Variants in CARMIL1 observed in about 807,000 individuals in gnomAD.
CARMIL1 encodes F-actin-uncapping protein LRRC16A.
A neutral mutation model predicts 177.1 loss-of-function variants in CARMIL1; 90 were observed. The observed-to-expected ratio is 0.51, with a 90% CI of 0.43 to 0.61. The LOEUF is 0.61. Ranked by LOEUF, CARMIL1 falls within the 20% of genes least tolerant of loss-of-function variation. The pLI, the probability that CARMIL1 is intolerant of heterozygous loss-of-function variation, is 0.00. For missense variants in CARMIL1, 1,380 were observed against 1,667.0 expected (o/e 0.83, Z 3.00); for synonymous variants, 577 against 606.2 (o/e 0.95, Z 0.71).
intron 16 of CARMIL1, 86 bp downstream of exon 16, chr6:25,495,301 A>T (rs983422862): frequency 2.2e-6 from 2 of 894,198 alleles, no homozygotes; most frequent in Non-Finnish European, 3.4e-6. Flanking sequence ...AAAGATATAT[A>T]ATCCAAAGAC....
intron 2 of CARMIL1, among the ~76,000 whole-genome samples, chr6:25,395,073 T>C (rs928733875): frequency 6.6e-6 from 1 of 152,232 alleles, no homozygotes; most frequent in Admixed American, 6.5e-5. Context: ...TGATTTTGTC[T>C]AAATTTACCA....
intron 32 of CARMIL1, among the ~76,000 whole-genome samples, chr6:25,599,277 A>C (rs1013817048): frequency 2.6e-5 from 4 of 152,162 alleles, no homozygotes; most frequent in Admixed American, 1.3e-4. Context: ...GGTCTCCCCG[A>C]CTGTTGGCTT....
At chr6:25,526,073 G>T (rs1392227611) in intron 23 of CARMIL1, among the ~76,000 whole-genome samples, 1 of 151,900 alleles carries the variant, frequency 6.6e-6, no homozygotes, top group Admixed American at 6.6e-5. Context: ...ACTTTGGGAG[G>T]CCGAGGCGGG....
intron 29 of CARMIL1, among the ~76,000 whole-genome samples, chr6:25,565,278 A>G (rs925017463): frequency 1.1e-4 from 17 of 152,216 alleles, no homozygotes; most frequent in African/African-American, 3.4e-4. Context: ...GCAAGCAGCC[A>G]CCAAAGGTGA....
chr6:25,585,239 T>C lies in CARMIL1; in HGVS notation c.3006+3800T>C, dbSNP rs192452629. Among the ~76,000 whole-genome samples the C allele has an allele frequency of 7.2e-5, 11 of 152,360 alleles. 1 individual carries two copies. Among genetic ancestry groups the C allele is most frequent in the Admixed American group, 5.9e-4 (9 of 15,306 alleles). On this transcript the variant is annotated intron_variant, in intron 31 of 36. Coordinates refer to ENST00000329474, the MANE Select transcript of CARMIL1 (RefSeq NM_017640.6). ...ATTTTTCAGGTAAGAATGAGGAGGCTGTGGCTTACTTTTATTATTAGTGTT... is the reference window on the plus strand; with the variant it reads ...ATTTTTCAGGTAAGAATGAGGAGGCCGTGGCTTACTTTTATTATTAGTGTT...
rs561022465 is a variant in CARMIL1 at position 25,604,786 on chromosome 6, G to C, written c.3553-26G>C. The C allele has an allele frequency of 6.2e-5, 96 of 1,536,186 alleles. 1 individual carries two copies. The South Asian group carries it at 1.1e-3, about 17-fold the overall frequency. The stretch of plus-strand genomic sequence containing the variant: ...TGCATTAAATAAATGTGCACTTTTT[G>C]GGGGGATGGTGCTTGAATTTTTTAG... On this transcript the variant is annotated intron_variant, in intron 33 of 36. Transcript: ENST00000329474.
intron 29 of CARMIL1, among the ~76,000 whole-genome samples, chr6:25,567,299 G>A (rs1039086016): frequency 4.1e-4 from 62 of 152,148 alleles, no homozygotes; most frequent in African/African-American, 1.4e-3. Context: ...TTATTCCCAC[G>A]GGCCAATTAT....
chr6:25,547,136 C>G (rs572582461), intron 26 of CARMIL1, among the ~76,000 whole-genome samples: 2 of 152,070 alleles, frequency 1.3e-5, no homozygotes, highest in Non-Finnish European at 2.9e-5. Flanking sequence ...AAATCTCTAA[C>G]ACCTCAATGG....
rs556958563 is a variant in CARMIL1 at position 25,331,517 on chromosome 6, CAG to C, written c.138+46611_138+46612del. 5.9e-5 allele frequency among the ~76,000 whole-genome samples: 9 copies of C among 152,318 alleles called. No individual in the cohort carries two copies. In the South Asian group the frequency reaches 1.9e-3, roughly 32 times the overall value. ...CCTGATCCATTGTCTGTACAGCTGC[CAG>C]AGTGATTTTCTGAACTGCACATCCA... On this transcript the variant is annotated intron_variant, in intron 2 of 36. Transcript: ENST00000329474.
chr6:25,603,540 A>G (rs959336810), intron 33 of CARMIL1, among the ~76,000 whole-genome samples: 10 of 152,130 alleles, frequency 6.6e-5, no homozygotes, highest in African/African-American at 2.4e-4. Flanking sequence ...ATTTCAAATA[A>G]TACTTCCTGT....
rs1806434923 is a variant in CARMIL1 at position 25,520,435 on chromosome 6, T to TTA, written c.1968+99_1968+100insAT. 7.2e-6 allele frequency: 5 copies of TTA among 698,594 alleles called. No homozygotes were observed. The African/African-American group carries it at 9.0e-5, about 13-fold the overall frequency. The allele number at this position is 698,594 out of a possible 1,614,324, so 43.3% of individuals were successfully genotyped here. A position where few individuals can be genotyped will look rare whatever the true frequency, so the allele number is the denominator to read the frequency against. On this transcript the variant is annotated intron_variant, in intron 23 of 36. Coordinates refer to ENST00000329474, the MANE Select transcript of CARMIL1 (RefSeq NM_017640.6). ...CAATACTTTGTTATTTTACGAAGTT[T>TTA]TTTTAAATTTTATTTTATTTTTTCA...
chr6:25,433,712 A>G (rs781154092), intron 4 of CARMIL1, among the ~76,000 whole-genome samples: 26 of 152,222 alleles, frequency 1.7e-4, no homozygotes, highest in Non-Finnish European at 2.5e-4. Context: ...TTTATGTACA[A>G]CTAACTAGCA....
rs181172759 is a variant in CARMIL1, at chr6:25,516,087, G to A, written c.1805+240G>A. 2.2e-3 allele frequency among the ~76,000 whole-genome samples: 331 copies of A among 152,278 alleles called. 2 individuals are homozygous for A. Among genetic ancestry groups the A allele is most frequent in the African/African-American group, 7.0e-3 (290 of 41,550 alleles). On this transcript the variant is annotated intron_variant, in intron 21 of 36. Transcript: ENST00000329474. ...CTGTTGTAAGGTAGAACCTGACTGA[G>A]AACTGCCACAATTTCCTATTTCGCA...
At chr6:25,347,488 A>T (rs1787636727) in intron 2 of CARMIL1, among the ~76,000 whole-genome samples, 1 of 152,212 alleles carries the variant, frequency 6.6e-6, no homozygotes, top group South Asian at 2.1e-4. Context: ...AGTGAAGAAG[A>T]TTCAGAGCAA....
intron 24 of CARMIL1, among the ~76,000 whole-genome samples, chr6:25,532,180 A>G (rs1303874273): frequency 2.0e-5 from 3 of 150,770 alleles, no homozygotes; most frequent in East Asian, 1.9e-4. Context: ...GCTCACTGCA[A>G]CCTCTGCCTC....
chr6:25,427,427 G>T (rs1325583603), intron 4 of CARMIL1, among the ~76,000 whole-genome samples: 1 of 152,092 alleles, frequency 6.6e-6, no homozygotes, highest in African/African-American at 2.4e-5. Context: ...TAATTGTGTG[G>T]CTATATTACA....
At chr6:25,559,205 G>A (rs1374865078) in intron 29 of CARMIL1, among the ~76,000 whole-genome samples, 1 of 152,112 alleles carries the variant, frequency 6.6e-6, no homozygotes, top group African/African-American at 2.4e-5. Flanking sequence ...AATTTGGAAG[G>A]AGTAGAGCAA....
Position 25,424,421 on chromosome 6 carries a change from T to C in CARMIL1, c.190-2080T>C, listed in dbSNP as rs1417398780. Among the ~76,000 whole-genome samples, 12 of 152,272 alleles carry C rather than the reference T, an allele frequency of 7.9e-5. 1 individual carries two copies. The South Asian group carries it at 2.5e-3, about 32-fold the overall frequency. On this transcript the variant is annotated intron_variant, in intron 3 of 36. Transcript: ENST00000329474. ...CTCCAACTAATCTTGCTGAGCCAAA[T>C]TGACCAAAGGTGGCCATTCCTATCC...
chr6:25,424,874 G>A (rs1176382698), intron 3 of CARMIL1, among the ~76,000 whole-genome samples: 1 of 152,134 alleles, frequency 6.6e-6, no homozygotes, highest in Non-Finnish European at 1.5e-5. Flanking sequence ...CCATACTTGT[G>A]AGTATGGCTT....
Sources: gnomAD v4.1 joint callset for allele counts (sites outside exome capture counted in the v4.1 genomes callset) on GRCh38, gnomAD v4.1.1 for gene constraint, MANE v1.5 for transcripts, NCBI Gene and HGNC (gene_info 2026-07-23, HGNC 2026-07-21) for gene names.